Variants in SGMS1 observed in about 807,000 individuals in gnomAD.
The protein encoded by SGMS1 is phosphatidylcholine:ceramide cholinephosphotransferase 1.
Under a neutral mutation model 46.2 loss-of-function variants are expected in SGMS1, and 13 were observed. The observed-to-expected ratio is 0.28, with a 90% CI of 0.18 to 0.45. SGMS1 has a LOEUF of 0.45. SGMS1 is among the 20% of genes least tolerant of loss of function. The pLI is 1.00. For missense variants in SGMS1, 324 were observed against 519.9 expected, an observed-to-expected ratio of 0.62 and a Z score of 3.66; for synonymous variants, 203 against 187.8, an observed-to-expected ratio of 1.08 and a Z score of -0.66.
chr10:50,624,207 A>T (rs1301941626), upstream of SGMS1: 22 of 779,022 alleles, frequency 2.8e-5, no homozygotes, highest in African/African-American at 3.8e-5. Context: ...CCCACTAAGT[A>T]AGGCCTAGCG....
At chr10:50,469,961 T>G (rs1488037156) in intron 3 of SGMS1, among the ~76,000 whole-genome samples, 1 of 152,208 alleles carries the variant, frequency 6.6e-6, no homozygotes, top group Non-Finnish European at 1.5e-5. Context: ...CCTCTTAGAT[T>G]GTGGGGGGCA....
At chr10:50,417,614 C>T (rs1849191183) in intron 6 of SGMS1, among the ~76,000 whole-genome samples, 1 of 152,168 alleles carries the variant, frequency 6.6e-6, no homozygotes, top group South Asian at 2.1e-4. Context: ...CACAAGCCAG[C>T]TTCCAACCAA....
chr10:50,379,757 T>C (rs114383542), intron 6 of SGMS1, among the ~76,000 whole-genome samples: 2 of 152,166 alleles, frequency 1.3e-5, no homozygotes, highest in African/African-American at 2.4e-5. Context: ...CAGGCAGTCA[T>C]GGAATTCACC....
At chr10:50,467,031 G>C (rs373525113) in intron 3 of SGMS1, 99 bp from the exon 4 acceptor site, 12 of 151,870 alleles carry the variant, frequency 7.9e-5, no homozygotes, top group African/African-American at 2.9e-4. Flanking sequence ...TTCACTTCTT[G>C]TTACGTATAC....
chr10:50,363,607 T>C (rs1848289414), intron 6 of SGMS1, among the ~76,000 whole-genome samples: 1 of 152,138 alleles, frequency 6.6e-6, no homozygotes, highest in Non-Finnish European at 1.5e-5. Context: ...GGTATCTGAC[T>C]AAAAACAAGG....
intron 3 of SGMS1, among the ~76,000 whole-genome samples, chr10:50,472,511 CT>C (rs34730112): frequency 6.6e-6 from 1 of 152,064 alleles, no homozygotes; most frequent in South Asian, 2.1e-4. Flanking sequence ...CCTGCCCCTA[CT>C]TTTTAAAGGG....
chr10:50,452,712 G>A (rs1219917021), intron 5 of SGMS1, among the ~76,000 whole-genome samples: 1 of 152,118 alleles, frequency 6.6e-6, no homozygotes, highest in Non-Finnish European at 1.5e-5. Flanking sequence ...ACTCAAGCTG[G>A]TGAGTTTAAC....
At chr10:50,410,240 T>C (rs1156586764) in intron 6 of SGMS1, among the ~76,000 whole-genome samples, 2 of 152,288 alleles carry the variant, frequency 1.3e-5, no homozygotes, top group East Asian at 3.9e-4. Context: ...AATATTATGA[T>C]GGTCATGACA....
intron 6 of SGMS1, among the ~76,000 whole-genome samples, chr10:50,384,723 T>G (rs1478449311): frequency 6.6e-6 from 1 of 152,108 alleles, no homozygotes; most frequent in Non-Finnish European, 1.5e-5. Flanking sequence ...GTGCTGTTAT[T>G]ACTGTCATGA....
At chr10:50,456,694 G>A (rs1837195303) in intron 5 of SGMS1, among the ~76,000 whole-genome samples, 1 of 152,070 alleles carries the variant, frequency 6.6e-6, no homozygotes, top group Admixed American at 6.6e-5. Flanking sequence ...CCAGGGTTTG[G>A]CCCATGTGAA....
At chr10:50,387,276 G>C (rs1317890249) in intron 6 of SGMS1, among the ~76,000 whole-genome samples, 1 of 152,102 alleles carries the variant, frequency 6.6e-6, no homozygotes, top group Non-Finnish European at 1.5e-5. Context: ...ATTCCTTGGG[G>C]GTTCTTTCAG....
At chr10:50,345,753 G>A (rs1435575162) in intron 6 of SGMS1, among the ~76,000 whole-genome samples, 10 of 152,138 alleles carry the variant, frequency 6.6e-5, no homozygotes, top group Admixed American at 5.2e-4. Flanking sequence ...TCAACTGAGT[G>A]CATTCTGGAA....
chr10:50,596,108 A>G (rs920081389), intron 1 of SGMS1, among the ~76,000 whole-genome samples: 3 of 152,158 alleles, frequency 2.0e-5, no homozygotes, highest in Admixed American at 1.3e-4. Flanking sequence ...TTGCTTCCAT[A>G]TATAAAGCCT....
At chr10:50,581,523 T>A (rs531333615) in intron 2 of SGMS1, among the ~76,000 whole-genome samples, 2 of 152,302 alleles carry the variant, frequency 1.3e-5, no homozygotes, top group South Asian at 4.1e-4. Context: ...TTTTCTCAGA[T>A]GTAAAATGGG....
chr10:50,471,927 C>T (rs1436733673), intron 3 of SGMS1, among the ~76,000 whole-genome samples: 1 of 152,200 alleles, frequency 6.6e-6, no homozygotes, highest in Non-Finnish European at 1.5e-5. Context: ...CACATTATCT[C>T]TGTGCTTAAT....
chr10:50,525,107 G>T (rs996691747), intron 2 of SGMS1, among the ~76,000 whole-genome samples: 1 of 152,160 alleles, frequency 6.6e-6, no homozygotes, highest in Non-Finnish European at 1.5e-5. Context: ...TTAAATCAAA[G>T]ATTAAGAAGA....
At chr10:50,624,824 C>G (rs938631133), upstream of SGMS1, 1 of 986,588 alleles carries the variant, frequency 1.0e-6, no homozygotes, top group South Asian at 4.6e-5. Flanking sequence ...GCCCGCGCCG[C>G]ACCTCGGTGG....
intron 6 of SGMS1, chr10:50,418,537 T>C (rs1286187296): frequency 1.3e-5 from 2 of 152,244 alleles, no homozygotes; most frequent in Non-Finnish European, 2.9e-5. Flanking sequence ...AAGGCGGAAC[T>C]TTCCTTTCTT....
intron 1 of SGMS1, among the ~76,000 whole-genome samples, chr10:50,597,696 C>A (rs896651210): frequency 6.6e-6 from 1 of 151,992 alleles, no homozygotes; most frequent in African/African-American, 2.4e-5. Context: ...GTGGTGGTTG[C>A]GTGAATTAAT....
Sources: allele counts gnomAD v4.1 joint callset (sites outside exome capture counted in the v4.1 genomes callset), GRCh38; gene constraint gnomAD v4.1.1; transcripts MANE v1.5; gene names NCBI Gene and HGNC (gene_info 2026-07-23, HGNC 2026-07-21).